The following TRERF1 variants were observed in gnomAD, a reference collection of about 807,000 sequenced individuals.
The protein encoded by TRERF1 is transcriptional-regulating factor 1.
In TRERF1, 27 loss-of-function variants were observed where a neutral mutation model predicts 122.9. That is an observed-to-expected ratio of 0.22 (90% CI 0.16 to 0.30). The LOEUF (loss-of-function observed/expected upper bound fraction) is 0.30. TRERF1 is among the 10% of genes least tolerant of loss of function. The pLI, the probability that TRERF1 is intolerant of heterozygous loss-of-function variation, is 1.00. For synonymous variants in TRERF1, 636 were observed against 641.7 expected (o/e 0.99, Z 0.13); for missense variants, 1,248 against 1,560.3 (o/e 0.80, Z 3.37).
intron 2 of TRERF1, among the ~76,000 whole-genome samples, chr6:42,436,324 G>C (rs944881488): frequency 5.9e-5 from 9 of 151,542 alleles, no homozygotes; most frequent in Non-Finnish European, 4.4e-5. Flanking sequence ...AGCCAAGATC[G>C]CACCACTGCA....
At chr6:42,362,513 G>A (rs1249208082) in intron 3 of TRERF1, among the ~76,000 whole-genome samples, 1 of 152,208 alleles carries the variant, frequency 6.6e-6, no homozygotes, top group Non-Finnish European at 1.5e-5. Flanking sequence ...ATAGCTGTAT[G>A]CCCATTTTAT....
intron 3 of TRERF1, among the ~76,000 whole-genome samples, chr6:42,330,569 A>G (rs1009493660): frequency 6.6e-6 from 1 of 152,264 alleles, no homozygotes; most frequent in Non-Finnish European, 1.5e-5. Context: ...GAAACATCTT[A>G]AAGTTTTGCA....
chr6:42,318,945 G>C (rs1391145504), intron 3 of TRERF1, among the ~76,000 whole-genome samples: 2 of 152,224 alleles, frequency 1.3e-5, no homozygotes, highest in Non-Finnish European at 2.9e-5. Context: ...TCCTCCTGCA[G>C]CAAGGTGGAA....
intron 14 of TRERF1, among the ~76,000 whole-genome samples, chr6:42,244,345 C>G (rs532767971): frequency 6.6e-6 from 1 of 152,168 alleles, no homozygotes; most frequent in East Asian, 1.9e-4. Flanking sequence ...CCACCACGCC[C>G]AGTTAATTTT....
In TRERF1 at chr6:42,267,070, CCT is replaced by C. The variant is rs1183514574; in HGVS notation, c.1437+1082_1437+1083del. On this transcript the variant is annotated intron_variant, in intron 5 of 17. Transcript: ENST00000372922. ...CACAAAAAGTCCTGCAGTACAGCACCCTGTTTCACTTTGGGAGGCTAAAGCAG... is the reference window on the plus strand; with the variant it reads ...CACAAAAAGTCCTGCAGTACAGCACCGTTTCACTTTGGGAGGCTAAAGCAG... 2.6e-5 allele frequency among the ~76,000 whole-genome samples: 4 copies of C among 152,288 alleles called. No homozygotes were observed. In the South Asian group the frequency reaches 8.3e-4, roughly 32 times the overall value.
intron 3 of TRERF1, among the ~76,000 whole-genome samples, chr6:42,319,864 C>T (rs72664262): frequency 0.08 from 11,966 of 148,660 alleles, 784 homozygotes; most frequent in East Asian, 0.21. Flanking sequence ...TAATATAATG[C>T]TATATATTAT....
chr6:42,291,399 G>A (rs1174666532), intron 4 of TRERF1, among the ~76,000 whole-genome samples: 1 of 149,628 alleles, frequency 6.7e-6, no homozygotes, highest in Admixed American at 6.7e-5. Flanking sequence ...CAACGCTCTA[G>A]TGTTTAGCCA....
chr6:42,416,896 G>T (rs140489675), intron 2 of TRERF1, among the ~76,000 whole-genome samples: 2,337 of 152,006 alleles, frequency 0.015, 22 homozygotes, highest in Non-Finnish European at 0.024. Context: ...TGGGTTTTTT[G>T]TGTGTGTTTT....
chr6:42,303,649 C>A (rs145150818), intron 3 of TRERF1, among the ~76,000 whole-genome samples: 5,741 of 152,112 alleles, frequency 0.038, 168 homozygotes, highest in Non-Finnish European at 0.058. Context: ...CACAGTGGGT[C>A]CCACCTGTAA....
chr6:42,234,621 G>A (rs373417572), intron 16 of TRERF1, among the ~76,000 whole-genome samples: 24 of 152,236 alleles, frequency 1.6e-4, no homozygotes, highest in East Asian at 7.7e-4. Flanking sequence ...GATTACAGGC[G>A]TGAGCCACCG....
Position 42,258,070 on chromosome 6 carries a change from A to C in TRERF1, c.2336+65T>G. ...CTCAGTGTAATCCTCTGACTACAAAAGTATTAACTATACTTCTCAAGAAGC... is the reference window on the plus strand; with the variant it reads ...CTCAGTGTAATCCTCTGACTACAAACGTATTAACTATACTTCTCAAGAAGC... On this transcript the variant is annotated intron_variant, in intron 10 of 17. Coordinates refer to ENST00000372922, the Ensembl canonical transcript of TRERF1. 2.9e-6 allele frequency: 4 copies of C among 1,398,494 alleles called. No homozygotes were observed. The South Asian group carries it at 4.8e-5, about 17-fold the overall frequency. 86.6% of individuals were successfully genotyped at this position (1,398,494 alleles called of 1,614,324 possible). A position where few individuals can be genotyped will look rare whatever the true frequency, so the allele number is the denominator to read the frequency against.
chr6:42,236,590 C>G (rs546013003), intron 15 of TRERF1, among the ~76,000 whole-genome samples, 179 bp from the exon 16 acceptor site: 2 of 152,252 alleles, frequency 1.3e-5, no homozygotes, highest in African/African-American at 4.8e-5. Context: ...AGGTTGGTCT[C>G]CGGATGCTTA....
chr6:42,241,192 G>T (rs1399834964), intron 15 of TRERF1, among the ~76,000 whole-genome samples: 2 of 151,954 alleles, frequency 1.3e-5, no homozygotes, highest in Non-Finnish European at 2.9e-5. Flanking sequence ...GTGATCACAT[G>T]TTTTTTAAAA....
At position 42,342,215 on chromosome 6, in the gene TRERF1, A is replaced by C. The variant is rs552619889; in HGVS notation, c.-371+20782T>G. Among the ~76,000 whole-genome samples the C allele has an allele frequency of 2.6e-4, 40 of 152,342 alleles. 1 individual carries two copies. In the South Asian group the frequency reaches 7.9e-3, roughly 30 times the overall value. ...TTGCTGATGACTGTCCCTTCCGCTT[A>C]GGGCATTCAGTTCATCCTAGCTTTC... On this transcript the variant is annotated intron_variant, in intron 3 of 17. Coordinates refer to ENST00000372922, the Ensembl canonical transcript of TRERF1.
chr6:42,352,358 A>G (rs933511410), intron 3 of TRERF1, among the ~76,000 whole-genome samples: 7 of 152,230 alleles, frequency 4.6e-5, no homozygotes, highest in African/African-American at 1.7e-4. Flanking sequence ...ACACAGAAAA[A>G]CTACTGAAAG....
At position 42,304,894 on chromosome 6, in the gene TRERF1, G is replaced by A. The variant is rs1786890859; in HGVS notation, c.-370-4145C>T. 2.0e-5 allele frequency among the ~76,000 whole-genome samples: 3 copies of A among 152,230 alleles called. No homozygotes were observed. In the South Asian group the frequency reaches 6.2e-4, roughly 31 times the overall value. Reference sequence around the variant, plus strand: ...CCCAGGAGCTGAGGGCCTGAAGCCAGTAGACCTGGATTCTAGTTCTAATTC... The same window carrying A: ...CCCAGGAGCTGAGGGCCTGAAGCCAATAGACCTGGATTCTAGTTCTAATTC... On this transcript the variant is annotated intron_variant, in intron 3 of 17. Coordinates refer to ENST00000372922, the Ensembl canonical transcript of TRERF1.
intron 6 of TRERF1, 100 bp from the exon 7 acceptor site, chr6:42,264,954 T>C: frequency 2.3e-6 from 3 of 1,307,766 alleles, no homozygotes; most frequent in Non-Finnish European, 3.2e-6. Context: ...CCCATTTCAT[T>C]CATCCAATGA....
chr6:42,362,810 C>T lies in TRERF1; in HGVS notation c.-371+187G>A, dbSNP rs542135069. 1.0e-3 allele frequency: 156 copies of T among 153,876 alleles called. 1 individual carries two copies. Among genetic ancestry groups the T allele is most frequent in the East Asian group, 1.2e-3 (6 of 5,184 alleles). 9.5% of individuals were successfully genotyped at this position (153,876 alleles called of 1,614,324 possible). On this transcript the variant is annotated intron_variant, in intron 3 of 17. Transcript: ENST00000372922. ...CCCCATTCCAGAAGCTGCCAAAAAC[C>T]ATTATGTGAATCCACAATCCCTGAC...
At chr6:42,273,560 A>G (rs1780621939) in intron 4 of TRERF1, among the ~76,000 whole-genome samples, 1 of 152,216 alleles carries the variant, frequency 6.6e-6, no homozygotes, top group South Asian at 2.1e-4. Flanking sequence ...GAGGACCAGG[A>G]AGGGTATTCC....
Sources: allele counts gnomAD v4.1 joint callset (sites outside exome capture counted in the v4.1 genomes callset), GRCh38; gene constraint gnomAD v4.1.1; transcripts MANE v1.5; gene names NCBI Gene and HGNC (gene_info 2026-07-23, HGNC 2026-07-21).